Variants in RNF217 observed in about 807,000 individuals in gnomAD.
The protein encoded by RNF217 is E3 ubiquitin-protein ligase RNF217.
In RNF217, 31 loss-of-function variants were observed where a neutral mutation model predicts 57.8. The ratio of observed to expected loss-of-function variants is 0.54; its 90% confidence interval spans 0.40 to 0.72. The LOEUF (loss-of-function observed/expected upper bound fraction) is 0.72, where lower values mean the gene tolerates loss of function less well. Among genes scored for constraint, RNF217 ranks in the 30% least tolerant of loss-of-function variants. The pLI, the probability that RNF217 is intolerant of heterozygous loss-of-function variation, is 0.00. For missense variants in RNF217, 696 were observed against 708.3 expected (o/e 0.98, Z 0.20); for synonymous variants, 313 against 294.0 (o/e 1.06, Z -0.66).
intron 2 of RNF217, chr6:125,048,285 T>A (rs1047817025): frequency 1.5e-6 from 2 of 1,320,464 alleles, no homozygotes; most frequent in Non-Finnish European, 2.0e-6. Context: ...TTTGCAGTAT[T>A]TTTAAAAATT....
In RNF217 at chr6:124,998,893, T is replaced by C. The variant is rs56189963; in HGVS notation, c.882+35467T>C. Among the ~76,000 whole-genome samples, 882 of 152,310 alleles carry C rather than the reference T, an allele frequency of 5.8e-3. 5 individuals are homozygous for C. Among genetic ancestry groups the C allele is most frequent in the Middle Eastern group, 0.034 (10 of 294 alleles). Reference sequence around the variant, plus strand: ...TAGTGGGCAAGGAATCTATTCTCACTTTGGTCCAGAACAATGCCTTACATG... The same window carrying C: ...TAGTGGGCAAGGAATCTATTCTCACCTTGGTCCAGAACAATGCCTTACATG... On this transcript the variant is annotated intron_variant, in intron 1 of 5. Coordinates refer to ENST00000521654, the MANE Select transcript of RNF217 (RefSeq NM_001286398.3).
At chr6:125,073,844 A>G (rs1582778281) in intron 3 of RNF217, among the ~76,000 whole-genome samples, 1 of 152,140 alleles carries the variant, frequency 6.6e-6, no homozygotes, top group African/African-American at 2.4e-5. Context: ...CTTTATATTG[A>G]CCTGACTCCA....
At chr6:124,968,833 G>A (rs1783650796) in intron 1 of RNF217, among the ~76,000 whole-genome samples, 1 of 152,210 alleles carries the variant, frequency 6.6e-6, no homozygotes, top group South Asian at 2.1e-4. Flanking sequence ...AAGGGTTTGT[G>A]ATGGACAAAG....
At chr6:125,014,230 C>T (rs925336073) in intron 1 of RNF217, among the ~76,000 whole-genome samples, 1 of 152,112 alleles carries the variant, frequency 6.6e-6, no homozygotes, top group African/African-American at 2.4e-5. Flanking sequence ...TATCAAAATA[C>T]CACCATAGAG....
intron 3 of RNF217, among the ~76,000 whole-genome samples, chr6:125,075,616 C>G (rs1055013307): frequency 3.3e-5 from 5 of 152,090 alleles, no homozygotes; most frequent in Admixed American, 1.3e-4. Context: ...GCCCTTGACA[C>G]GTGGGGATTG....
intron 1 of RNF217, among the ~76,000 whole-genome samples, chr6:125,032,599 T>C (rs1786408635): frequency 6.6e-6 from 1 of 152,122 alleles, no homozygotes; most frequent in African/African-American, 2.4e-5. Context: ...ATTTCATGTA[T>C]ATACTTTAAA....
intron 1 of RNF217, among the ~76,000 whole-genome samples, chr6:125,011,867 T>C (rs1036049652): frequency 6.6e-6 from 1 of 152,120 alleles, no homozygotes; most frequent in African/African-American, 2.4e-5. Flanking sequence ...GGTGAGATAA[T>C]AACTGCCAGC....
At chr6:124,985,448 T>C (rs1218683216) in intron 1 of RNF217, among the ~76,000 whole-genome samples, 1 of 152,188 alleles carries the variant, frequency 6.6e-6, no homozygotes, top group Non-Finnish European at 1.5e-5. Context: ...TTACAAATAA[T>C]CCAATTATAC....
chr6:124,974,086 A>T (rs1783865672), intron 1 of RNF217, among the ~76,000 whole-genome samples: 2 of 152,126 alleles, frequency 1.3e-5, no homozygotes, highest in South Asian at 2.1e-4. Context: ...ATCCCAAGGG[A>T]TGTGGAAGCT....
chr6:124,966,668 G>A (rs535463276), intron 1 of RNF217, among the ~76,000 whole-genome samples: 1 of 152,330 alleles, frequency 6.6e-6, no homozygotes, highest in East Asian at 1.9e-4. Context: ...CATATTAAAT[G>A]TGAGTTGGAC....
Position 125,091,501 on chromosome 6 carries a change from A to T in RNF217, c.*8564A>T, listed in dbSNP as rs1439475373. 2 of 152,056 alleles carry T rather than the reference A, an allele frequency of 1.3e-5. No homozygotes were observed. Among genetic ancestry groups the T allele is most frequent in the Admixed American group, 1.3e-4 (2 of 15,260 alleles). The allele number at this position is 152,056 out of a possible 1,614,324, so 9.4% of individuals were successfully genotyped here. ...ATCTCTAAAACAGGTTAGCCAATGT[A>T]TTTTTCTTAAATTCATTGTTCATTT... On this transcript the variant is annotated 3_prime_UTR_variant, in exon 6 of 6. Transcript: ENST00000521654.
At chr6:125,021,448 G>A (rs993386511) in intron 1 of RNF217, among the ~76,000 whole-genome samples, 2 of 151,874 alleles carry the variant, frequency 1.3e-5, no homozygotes, top group African/African-American at 4.8e-5. Flanking sequence ...TGTATTTTTA[G>A]TAGAGACGGG....
At chr6:125,075,170 C>G (rs1443591409) in intron 3 of RNF217, among the ~76,000 whole-genome samples, 1 of 152,104 alleles carries the variant, frequency 6.6e-6, no homozygotes, top group Non-Finnish European at 1.5e-5. Context: ...TTTAGCTCAT[C>G]AGCTATCATT....
At chr6:125,001,112 G>A (rs184322678) in intron 1 of RNF217, among the ~76,000 whole-genome samples, 2 of 152,160 alleles carry the variant, frequency 1.3e-5, no homozygotes, top group Non-Finnish European at 2.9e-5. Context: ...TTTTTCTATT[G>A]ATTAATACCA....
chr6:125,076,459 A>G (rs1788376148), intron 3 of RNF217, among the ~76,000 whole-genome samples, 198 bp from the exon 4 acceptor site: 1 of 152,172 alleles, frequency 6.6e-6, no homozygotes, highest in African/African-American at 2.4e-5. Context: ...AATATTATCA[A>G]GCTTTGCACA....
Position 125,084,657 on chromosome 6 carries a change from C to A in RNF217, c.*1720C>A, listed in dbSNP as rs546386592. ...AATAACAATCCAGCATGCTTTCATTCTTTCTGAATAACACAGAATAACTGT... is the reference window on the plus strand; with the variant it reads ...AATAACAATCCAGCATGCTTTCATTATTTCTGAATAACACAGAATAACTGT... On this transcript the variant is annotated 3_prime_UTR_variant, in exon 6 of 6. Transcript: ENST00000521654. 1 of 152,048 alleles carries A rather than the reference C, an allele frequency of 6.6e-6. No individual in the cohort carries two copies. Among genetic ancestry groups the A allele is most frequent in the African/African-American group, 2.4e-5 (1 of 41,524 alleles). 9.4% of individuals were successfully genotyped at this position (152,048 alleles called of 1,614,324 possible).
chr6:125,075,899 C>T (rs495860), intron 3 of RNF217, among the ~76,000 whole-genome samples: 1 of 151,916 alleles, frequency 6.6e-6, no homozygotes, highest in South Asian at 2.1e-4. Context: ...GACTACCACA[C>T]TGTATGTTAT....
At chr6:124,994,745 A>C (rs1784684051) in intron 1 of RNF217, among the ~76,000 whole-genome samples, 1 of 152,200 alleles carries the variant, frequency 6.6e-6, no homozygotes, top group African/African-American at 2.4e-5. Flanking sequence ...GTTGTATGGC[A>C]TTATATTTCC....
At chr6:125,036,326 T>G (rs1183515999) in intron 1 of RNF217, among the ~76,000 whole-genome samples, 1 of 152,198 alleles carries the variant, frequency 6.6e-6, no homozygotes, top group Non-Finnish European at 1.5e-5. Flanking sequence ...CAGTCTATCA[T>G]TGATGGGCAT....
Sources: allele counts gnomAD v4.1 joint callset (sites outside exome capture counted in the v4.1 genomes callset), GRCh38; gene constraint gnomAD v4.1.1; transcripts MANE v1.5; gene names NCBI Gene and HGNC (gene_info 2026-07-23, HGNC 2026-07-21).